FSTL5: variants seen among roughly 807,000 people sequenced by gnomAD.
The protein encoded by FSTL5 is follistatin-related protein 5.
A neutral mutation model predicts 89.1 loss-of-function variants in FSTL5; 62 were observed. That is an observed-to-expected ratio of 0.70 (90% CI 0.57 to 0.86). The LOEUF (loss-of-function observed/expected upper bound fraction) is 0.86. Among genes scored for constraint, FSTL5 ranks in the 40% least tolerant of loss-of-function variants. The pLI is 0.00. For missense variants in FSTL5, 1,057 were observed against 1,001.6 expected, an observed-to-expected ratio of 1.06 and a Z score of -0.75; for synonymous variants, 383 against 346.2, an observed-to-expected ratio of 1.11 and a Z score of -1.18.
intron 6 of FSTL5, among the ~76,000 whole-genome samples, chr4:161,693,782 G>T (rs1738037483): frequency 6.6e-6 from 1 of 151,586 alleles, no homozygotes; most frequent in Non-Finnish European, 1.5e-5. Context: ...GGGACTACAG[G>T]TGCCAGCCAC....
rs35038945 is a variant in FSTL5, at chr4:161,903,773, G to GTT, written c.409+16629_409+16630dup. ...ATGAATTTTTCAAAGTACATTTAGT[G>GTT]TTTTTTTTTTCTCTAAAAGCATAAG... On this transcript the variant is annotated intron_variant, in intron 4 of 15. Coordinates refer to ENST00000306100, the MANE Select transcript of FSTL5 (RefSeq NM_020116.5). Among the ~76,000 whole-genome samples, 69 of 149,370 alleles carry GTT rather than the reference G, an allele frequency of 4.6e-4. 1 individual carries two copies. Among genetic ancestry groups the GTT allele is most frequent in the South Asian group, 2.5e-3 (12 of 4,760 alleles).
At chr4:161,737,224 T>C (rs1282759931) in intron 6 of FSTL5, among the ~76,000 whole-genome samples, 1 of 152,096 alleles carries the variant, frequency 6.6e-6, no homozygotes, top group Non-Finnish European at 1.5e-5. Flanking sequence ...TATCAATATC[T>C]GACATGTCCA....
chr4:162,127,942 TA>T (rs952563327), intron 1 of FSTL5, among the ~76,000 whole-genome samples: 5 of 152,172 alleles, frequency 3.3e-5, no homozygotes, highest in Non-Finnish European at 5.9e-5. Context: ...GAATGATTAT[TA>T]AAGACATTTC....
intron 6 of FSTL5, among the ~76,000 whole-genome samples, chr4:161,662,347 C>T (rs1254428281): frequency 6.6e-6 from 1 of 151,990 alleles, no homozygotes; most frequent in East Asian, 1.9e-4. Context: ...TAACACATAA[C>T]ACTAAAAATA....
intron 12 of FSTL5, among the ~76,000 whole-genome samples, chr4:161,481,814 C>T (rs953183351): frequency 6.6e-6 from 1 of 152,134 alleles, no homozygotes; most frequent in Non-Finnish European, 1.5e-5. Flanking sequence ...TGTTAGATGA[C>T]CATAAATGAG....
At chr4:161,960,594 TTTATA>T (rs748970018) in intron 3 of FSTL5, among the ~76,000 whole-genome samples, 2 of 152,070 alleles carry the variant, frequency 1.3e-5, no homozygotes, top group African/African-American at 4.8e-5. Flanking sequence ...TGTAGAAACA[TTTATA>T]TTATATAACT....
intron 4 of FSTL5, among the ~76,000 whole-genome samples, chr4:161,792,617 G>T (rs547419466): frequency 2.5e-4 from 38 of 152,126 alleles, no homozygotes; most frequent in Middle Eastern, 3.2e-3. Context: ...AATGTGAGAA[G>T]ATGAAGGGAG....
intron 3 of FSTL5, among the ~76,000 whole-genome samples, chr4:161,969,621 C>A (rs979850658): frequency 3.9e-5 from 6 of 152,090 alleles, no homozygotes; most frequent in Non-Finnish European, 7.4e-5. Context: ...AAAACGAACT[C>A]ATCCTGTATT....
intron 8 of FSTL5, among the ~76,000 whole-genome samples, chr4:161,558,849 C>T (rs1732485763): frequency 1.3e-5 from 2 of 151,828 alleles, no homozygotes; most frequent in Admixed American, 6.6e-5. Context: ...TAGTAACTCT[C>T]CCAACCAACC....
At chr4:161,668,639 C>A (rs1560779918) in intron 6 of FSTL5, among the ~76,000 whole-genome samples, 2 of 151,974 alleles carry the variant, frequency 1.3e-5, no homozygotes. Flanking sequence ...TAATAGAATC[C>A]AACAACATAT....
At chr4:161,496,149 T>G (rs1730062327) in intron 12 of FSTL5, among the ~76,000 whole-genome samples, 1 of 152,172 alleles carries the variant, frequency 6.6e-6, no homozygotes, top group Admixed American at 6.5e-5. Flanking sequence ...AAACGATGAA[T>G]AGCTAAGGCT....
In FSTL5 at chr4:161,836,521, G is replaced by A. The variant is rs1731048496; in HGVS notation, c.410-60447C>T. On this transcript the variant is annotated intron_variant, in intron 4 of 15. Transcript: ENST00000306100. ...AGAAATGTTCCTGCACAAGCACACA[G>A]TGCAGCATCCCTCAGGGAGAGGCTG... is the stretch of plus-strand genomic sequence containing the variant. 1.3e-5 allele frequency among the ~76,000 whole-genome samples: 2 copies of A among 151,808 alleles called. 1 individual carries two copies. The highest frequency in any genetic ancestry group is 4.2e-4 in the South Asian group (2 of 4,816).
intron 2 of FSTL5, among the ~76,000 whole-genome samples, chr4:162,093,743 G>A (rs1561014925): frequency 6.6e-6 from 1 of 152,168 alleles, no homozygotes; most frequent in Non-Finnish European, 1.5e-5. Flanking sequence ...ACAAACTTCT[G>A]TGATTTGTTT....
intron 3 of FSTL5, among the ~76,000 whole-genome samples, chr4:161,988,052 C>G (rs1339508695): frequency 6.9e-6 from 1 of 144,038 alleles, no homozygotes; most frequent in Non-Finnish European, 1.5e-5. Flanking sequence ...AATGATTGGA[C>G]TAAAAAAACC....
At chr4:161,858,369 C>T (rs1359379944) in intron 4 of FSTL5, among the ~76,000 whole-genome samples, 8 of 152,108 alleles carry the variant, frequency 5.3e-5, no homozygotes, top group Non-Finnish European at 1.0e-4. Flanking sequence ...CTTGAAGGTC[C>T]TTGACTTACT....
rs4691775 is a variant in FSTL5, at chr4:161,632,096, T to G, written c.894+24232A>C. 6.0e-3 allele frequency among the ~76,000 whole-genome samples: 911 copies of G among 152,132 alleles called. 16 individuals carry two copies. The highest frequency in any genetic ancestry group is 0.046 in the South Asian group (222 of 4,828). On this transcript the variant is annotated intron_variant, in intron 7 of 15. Coordinates refer to ENST00000306100, the MANE Select transcript of FSTL5 (RefSeq NM_020116.5). ...AGTAAATTTTTAAGAGAAAGATAGATTCAGCCAGGCATGGTGGCTCACACC... is the reference window on the plus strand; with the variant it reads ...AGTAAATTTTTAAGAGAAAGATAGAGTCAGCCAGGCATGGTGGCTCACACC...
intron 8 of FSTL5, among the ~76,000 whole-genome samples, chr4:161,546,496 C>G (rs1034550184): frequency 4.6e-5 from 7 of 151,142 alleles, no homozygotes; most frequent in African/African-American, 1.7e-4. Flanking sequence ...TCATAAAAAG[C>G]AACCCCAAGA....
At chr4:161,482,086 C>T (rs1254923306) in intron 12 of FSTL5, among the ~76,000 whole-genome samples, 1 of 152,118 alleles carries the variant, frequency 6.6e-6, no homozygotes, top group Non-Finnish European at 1.5e-5. Context: ...TTTGGGAGGC[C>T]AAGGCAGATG....
intron 15 of FSTL5, among the ~76,000 whole-genome samples, chr4:161,411,479 T>C (rs1015380794): frequency 6.6e-6 from 1 of 152,018 alleles, no homozygotes; most frequent in Non-Finnish European, 1.5e-5. Flanking sequence ...TATCAAAAAG[T>C]TAATACACTA....
Sources: gnomAD v4.1 joint callset for allele counts (sites outside exome capture counted in the v4.1 genomes callset) on GRCh38, gnomAD v4.1.1 for gene constraint, MANE v1.5 for transcripts, NCBI Gene and HGNC (gene_info 2026-07-23, HGNC 2026-07-21) for gene names.